Variants in IGF1R observed in about 807,000 individuals in gnomAD.
IGF1R encodes insulin like growth factor 1 receptor, also known as insulin-like growth factor 1 receptor.
Under a neutral mutation model 144.6 loss-of-function variants are expected in IGF1R, and 44 were observed. That is an observed-to-expected ratio of 0.30 (90% confidence interval 0.24 to 0.39). The LOEUF (loss-of-function observed/expected upper bound fraction) is 0.39, where lower values mean the gene tolerates loss of function less well. IGF1R is among the 10% of genes least tolerant of loss of function. IGF1R has a pLI of 1.00. For synonymous variants in IGF1R, 795 were observed against 722.8 expected, an observed-to-expected ratio of 1.10 and a Z score of -1.60; for missense variants, 1,355 against 1,833.7, an observed-to-expected ratio of 0.74 and a Z score of 4.77.
At chr15:98,844,756 TA>T (rs1410197714) in intron 2 of IGF1R, among the ~76,000 whole-genome samples, 1 of 152,196 alleles carries the variant, frequency 6.6e-6, no homozygotes, top group Non-Finnish European at 1.5e-5. Flanking sequence ...TTAGATCTGT[TA>T]ATTGCAAGAA....
intron 1 of IGF1R, among the ~76,000 whole-genome samples, chr15:98,677,776 C>A (rs1364676451): frequency 6.6e-6 from 1 of 152,192 alleles, no homozygotes; most frequent in African/African-American, 2.4e-5. Context: ...CGCTGCTCAG[C>A]CAGTAGGCCC....
At chr15:98,820,119 G>A (rs900388828) in intron 2 of IGF1R, among the ~76,000 whole-genome samples, 1 of 152,112 alleles carries the variant, frequency 6.6e-6, no homozygotes, top group African/African-American at 2.4e-5. Context: ...TTCAGAGTGT[G>A]GTTGAAGTTC....
At chr15:98,813,602 G>A (rs2056638259) in intron 2 of IGF1R, among the ~76,000 whole-genome samples, 1 of 152,216 alleles carries the variant, frequency 6.6e-6, no homozygotes, top group East Asian at 1.9e-4. Context: ...GGGACTGTGA[G>A]TAACAGACTT....
At chr15:98,923,390 G>A (rs901254803) in intron 11 of IGF1R, among the ~76,000 whole-genome samples, 3 of 152,260 alleles carry the variant, frequency 2.0e-5, no homozygotes, top group African/African-American at 7.2e-5. Flanking sequence ...GTTGCCGCGT[G>A]TAGACGCGGG....
At chr15:98,662,073 A>G (rs940147400) in intron 1 of IGF1R, among the ~76,000 whole-genome samples, 4 of 144,120 alleles carry the variant, frequency 2.8e-5, no homozygotes, top group Admixed American at 7.3e-5. Context: ...TCTTCCTCCC[A>G]GGTTCAAACA....
At chr15:98,823,481 G>A (rs1349147217) in intron 2 of IGF1R, among the ~76,000 whole-genome samples, 1 of 152,210 alleles carries the variant, frequency 6.6e-6, no homozygotes, top group Non-Finnish European at 1.5e-5. Context: ...AGACATGGAG[G>A]ATGCATCTTA....
chr15:98,943,213 T>C (rs1279585778), intron 19 of IGF1R, among the ~76,000 whole-genome samples, 161 bp downstream of exon 19: 1 of 152,220 alleles, frequency 6.6e-6, no homozygotes, highest in Non-Finnish European at 1.5e-5. Flanking sequence ...GAGGTGTTCC[T>C]GTTGTCAGTG....
chr15:98,936,480 G>A (rs1321287795), intron 17 of IGF1R, among the ~76,000 whole-genome samples: 2 of 152,092 alleles, frequency 1.3e-5, no homozygotes, highest in Admixed American at 6.5e-5. Context: ...GGTTGCCTCC[G>A]TGGGTCTGAA....
rs2013937259 is a variant in IGF1R at position 98,891,806 on chromosome 15, A to G, written c.953+169A>G. ...TACCTTAAATGTTTGGTGAGATTCT[A>G]GGAACAATTGGCATGGCTTACCGCC... On this transcript the variant is annotated intron_variant, in intron 3 of 20. Coordinates refer to ENST00000650285, the MANE Select transcript of IGF1R (RefSeq NM_000875.5). The surrounding 1 kb of genome is among the most constrained non-coding windows in gnomAD (Gnocchi z 4.7). 1.3e-5 allele frequency among the ~76,000 whole-genome samples: 2 copies of G among 152,204 alleles called. No individual in the cohort carries two copies. The highest frequency in any genetic ancestry group is 2.4e-5 in the African/African-American group (1 of 41,464).
intron 2 of IGF1R, among the ~76,000 whole-genome samples, chr15:98,794,395 G>T (rs774843252): frequency 3.9e-5 from 6 of 152,166 alleles, no homozygotes; most frequent in Admixed American, 6.5e-5. Context: ...TTAGAGAGCA[G>T]GTGTTGCCCC....
intron 2 of IGF1R, among the ~76,000 whole-genome samples, chr15:98,753,363 T>A (rs979180306): frequency 2.7e-5 from 4 of 145,790 alleles, no homozygotes; most frequent in Non-Finnish European, 6.0e-5. Context: ...ACCACAAGTA[T>A]GCACCACCAT....
At chr15:98,909,232 T>C (rs2014876915) in intron 6 of IGF1R, among the ~76,000 whole-genome samples, 1 of 141,736 alleles carries the variant, frequency 7.1e-6, no homozygotes, top group African/African-American at 2.7e-5. Context: ...TTCTCTTTCT[T>C]TTTTCTTTTC....
chr15:98,953,325 C>G (rs1253962489), intron 20 of IGF1R, among the ~76,000 whole-genome samples: 2 of 152,168 alleles, frequency 1.3e-5, no homozygotes, highest in African/African-American at 4.8e-5. Flanking sequence ...AGTCTCAACG[C>G]CATGACTCAG....
At chr15:98,950,034 G>A (rs754008852) in intron 20 of IGF1R, among the ~76,000 whole-genome samples, 8 of 152,204 alleles carry the variant, frequency 5.3e-5, no homozygotes, top group Admixed American at 2.0e-4. Flanking sequence ...GATCTCCATA[G>A]CTGAACAGGA....
At chr15:98,936,618 T>A (rs2016160365) in intron 17 of IGF1R, among the ~76,000 whole-genome samples, 1 of 151,962 alleles carries the variant, frequency 6.6e-6, no homozygotes, top group Non-Finnish European at 1.5e-5. Context: ...GGCTTAATTT[T>A]TTTTTTTTTT....
At chr15:98,683,620 T>A (rs1206055209) in intron 1 of IGF1R, among the ~76,000 whole-genome samples, 1 of 152,216 alleles carries the variant, frequency 6.6e-6, no homozygotes, top group Non-Finnish European at 1.5e-5. Context: ...GTTAGAGATG[T>A]TATGAATTGC....
Position 98,899,621 on chromosome 15 carries a change from G to C in IGF1R, c.1247G>C (p.Gly416Ala), listed in dbSNP as rs1249406479. Residue 416 changes from glycine (G) to alanine (A), a missense_variant and splice_region_variant, in exon 5 of 21, where the codon GGG becomes GCG. This residue lies in a region of IGF1R where 880 missense variants were observed against 1,202.7 expected (regional missense o/e 0.73). Transcript: ENST00000650285. ...RLILGEEQLE[G>A]NYSFYVLDNQ... is the part of the protein sequence containing the mutation. ...ATCCTAGGAGAGGAGCAGCTAGAAG[G>C]GTAAGTGCCCCAAATTTCATGAGCT... The C allele has an allele frequency of 1.2e-6, 2 of 1,613,972 alleles. No individual in the cohort carries two copies. Among genetic ancestry groups the C allele is most frequent in the South Asian group, 1.1e-5 (1 of 91,056 alleles).
intron 1 of IGF1R, chr15:98,651,032 A>G: frequency 1.0e-6 from 1 of 985,370 alleles, no homozygotes; most frequent in African/African-American, 1.7e-5. Context: ...GAACACGATT[A>G]AAAGTTTAAA....
chr15:98,685,504 A>T (rs2053304043), intron 1 of IGF1R, among the ~76,000 whole-genome samples: 2 of 152,288 alleles, frequency 1.3e-5, no homozygotes, highest in African/African-American at 4.8e-5. Flanking sequence ...AGTCTCCTCC[A>T]GCCCACTCTA....
Sources: gnomAD v4.1 joint callset for allele counts (sites outside exome capture counted in the v4.1 genomes callset) on GRCh38, gnomAD v4.1.1 for gene constraint, gnomAD v4.1.1 regional missense constraint, Gnocchi (gnomAD v3.1) non-coding constraint, MANE v1.5 for transcripts, NCBI Gene and HGNC (gene_info 2026-07-23, HGNC 2026-07-21) for gene names.